Variants in CPEB4 observed in about 807,000 individuals in gnomAD.
CPEB4 encodes the protein cytoplasmic polyadenylation element binding protein 4, also known as cytoplasmic polyadenylation element-binding protein 4.
In CPEB4, 12 loss-of-function variants were observed where a neutral mutation model predicts 72.5. The observed-to-expected ratio is 0.17, with a 90% CI of 0.11 to 0.27. The LOEUF is 0.27. CPEB4 is among the 10% of genes least tolerant of loss of function. CPEB4 has a pLI of 1.00. For synonymous variants in CPEB4, 302 were observed against 326.3 expected (o/e 0.93, Z 0.80); for missense variants, 614 against 908.5 (o/e 0.68, Z 4.17).
At chr5:173,941,417 GCTAT>G (rs539119687) in intron 3 of CPEB4, among the ~76,000 whole-genome samples, 25 of 152,294 alleles carry the variant, frequency 1.6e-4, no homozygotes, top group African/African-American at 5.8e-4. Flanking sequence ...GAAATCCAGG[GCTAT>G]CTAAGTGTGG....
chr5:173,901,751 A>G (rs1309926823), intron 1 of CPEB4, among the ~76,000 whole-genome samples: 6 of 152,234 alleles, frequency 3.9e-5, no homozygotes, highest in South Asian at 2.1e-4. Flanking sequence ...AGGAACTAAT[A>G]TATGTAAATG....
chr5:173,902,470 T>A (rs1756270203), intron 1 of CPEB4, among the ~76,000 whole-genome samples: 2 of 152,130 alleles, frequency 1.3e-5, no homozygotes, highest in Admixed American at 6.5e-5. Context: ...AGCTCAAGTA[T>A]AAAAAGAAGC....
chr5:173,953,726 C>CTTTTTT (rs56660397), intron 9 of CPEB4, among the ~76,000 whole-genome samples: 1 of 141,628 alleles, frequency 7.1e-6, no homozygotes. Context: ...TCACAGATTT[C>CTTTTTT]TTTTTTTTTT....
At chr5:173,942,377 A>G (rs888311077) in intron 3 of CPEB4, among the ~76,000 whole-genome samples, 4 of 152,240 alleles carry the variant, frequency 2.6e-5, no homozygotes, top group African/African-American at 9.6e-5. Flanking sequence ...TTTCCTGAGT[A>G]TTCCAGTGGA....
At chr5:173,909,531 ATT>A (rs5873397) in intron 1 of CPEB4, among the ~76,000 whole-genome samples, 169 of 150,220 alleles carry the variant, frequency 1.1e-3, no homozygotes, top group African/African-American at 3.0e-3. Flanking sequence ...AGTCTACGAA[ATT>A]TTTTTTTTTT....
intron 2 of CPEB4, among the ~76,000 whole-genome samples, chr5:173,917,292 G>A (rs953520882): frequency 6.6e-6 from 1 of 152,156 alleles, no homozygotes; most frequent in Non-Finnish European, 1.5e-5. Flanking sequence ...ATTTCTTACA[G>A]TATTTAACCT....
At position 173,958,492 on chromosome 5, in the gene CPEB4, T is replaced by C. The variant is rs1409535265; in HGVS notation, c.*2355T>C. The C allele has an allele frequency of 6.6e-6, 1 of 152,602 alleles. No homozygotes were observed. The highest frequency in any genetic ancestry group is 1.5e-5 in the Non-Finnish European group (1 of 68,004). 9.5% of individuals were successfully genotyped at this position (152,602 alleles called of 1,614,324 possible). On this transcript the variant is annotated 3_prime_UTR_variant, in exon 10 of 10. Coordinates refer to ENST00000265085, the MANE Select transcript of CPEB4 (RefSeq NM_030627.4). ...TTCTGCTTTTTATACATTTCAGTGC[T>C]CTGCATACATTTTAAATTATGAATG...
Position 173,944,976 on chromosome 5 carries a change from C to T in CPEB4, c.1292C>T (p.Ser431Leu), listed in dbSNP as rs1249648385. Residue 431 changes from serine (S) to leucine (L), a missense_variant, in exon 5 of 10, where the codon TCA (serine) becomes TTA (leucine). By Grantham distance (145) the Ser-to-Leu change is moderately radical. This residue lies in a region of CPEB4 where 458 missense variants were observed against 548.6 expected (regional missense o/e 0.83). Transcript: ENST00000265085. ...RTYGRRRGQS[S>L]LFPMEDGFLD... ...CTGCTTTCTATTCCAGGTCAGTCTT[C>T]ACTGTTTCCAATGGAAGATGGATTC... 6.2e-7 allele frequency: 1 copy of T among 1,611,992 alleles called. No individual in the cohort carries two copies. Among genetic ancestry groups the T allele is most frequent in the African/African-American group, 1.3e-5 (1 of 74,852 alleles).
Position 173,943,011 on chromosome 5 carries a change from T to C in CPEB4, c.1259-15T>C. Reference sequence around the variant, plus strand: ...TTGTTTTTTTGTTTTTGTTTTTTTCTCATTTGACATGCAGCAAGGACATAT... The same window carrying C: ...TTGTTTTTTTGTTTTTGTTTTTTTCCCATTTGACATGCAGCAAGGACATAT... On this transcript the variant is annotated splice_polypyrimidine_tract_variant and intron_variant, in intron 3 of 9. Transcript: ENST00000265085. 6.2e-7 allele frequency: 1 copy of C among 1,607,338 alleles called. No individual in the cohort carries two copies. Among genetic ancestry groups the C allele is most frequent in the Non-Finnish European group, 8.5e-7 (1 of 1,177,562 alleles).
rs182351660 is a variant in CPEB4 at position 173,900,998 on chromosome 5, A to G, written c.1126-9525A>G. Among the ~76,000 whole-genome samples the G allele has an allele frequency of 3.9e-5, 6 of 152,154 alleles. No homozygotes were observed. Among genetic ancestry groups the G allele is most frequent in the African/African-American group, 1.4e-4 (6 of 41,436 alleles). On this transcript the variant is annotated intron_variant, in intron 1 of 9. Coordinates refer to ENST00000265085, the MANE Select transcript of CPEB4 (RefSeq NM_030627.4). The surrounding 1 kb of genome is among the most constrained non-coding windows in gnomAD (Gnocchi z 4.4). Reference sequence around the variant, plus strand: ...AGTATCAAAGCTTGTGATAGATTTTAATTATTTCTCTCTGCTAGGCAAGAT... The same window carrying G: ...AGTATCAAAGCTTGTGATAGATTTTGATTATTTCTCTCTGCTAGGCAAGAT...
At chr5:173,906,665 C>A (rs1171022989) in intron 1 of CPEB4, among the ~76,000 whole-genome samples, 1 of 152,120 alleles carries the variant, frequency 6.6e-6, no homozygotes, top group African/African-American at 2.4e-5. Flanking sequence ...CTAATAGTAC[C>A]AATTGAACAA....
intron 4 of CPEB4, among the ~76,000 whole-genome samples, chr5:173,944,746 T>A (rs574930235): frequency 6.6e-6 from 1 of 152,328 alleles, no homozygotes; most frequent in Admixed American, 6.5e-5. Flanking sequence ...GTGGGATACT[T>A]GAGTCGCCTT....
intron 1 of CPEB4, chr5:173,893,299 G>T (rs1755882938): frequency 6.6e-6 from 1 of 151,908 alleles, no homozygotes; most frequent in Non-Finnish European, 1.5e-5. Context: ...ATTTTAAGTT[G>T]GTATAAGTAA....
rs1337781085 is a variant in CPEB4 at position 173,960,954 on chromosome 5, A to T, written c.*4817A>T. The T allele has an allele frequency of 6.6e-6, 1 of 152,252 alleles. No individual in the cohort carries two copies. The highest frequency in any genetic ancestry group is 1.5e-5 in the Non-Finnish European group (1 of 68,046). The allele number at this position is 152,252 out of a possible 1,614,324, so 9.4% of individuals were successfully genotyped here. ...TAAACTGCATTCTCAAACTTTTAAC[A>T]TAAGGATTTATTATAACAAAATATA... On this transcript the variant is annotated 3_prime_UTR_variant, in exon 10 of 10. Coordinates refer to ENST00000265085, the MANE Select transcript of CPEB4 (RefSeq NM_030627.4).
At chr5:173,931,202 TGTAGCTGTTGGATTGATGGGACCC>T (rs1757435759) in intron 2 of CPEB4, among the ~76,000 whole-genome samples, 1 of 152,188 alleles carries the variant, frequency 6.6e-6, no homozygotes, top group South Asian at 2.1e-4. Context: ...GTTGTTAATA[TGTAGCTGTTGGATTGATGGGACCC>T]CATGTTAGCT....
intron 3 of CPEB4, among the ~76,000 whole-genome samples, chr5:173,933,005 T>C (rs1261612007): frequency 1.3e-5 from 2 of 152,254 alleles, no homozygotes; most frequent in African/African-American, 2.4e-5. Flanking sequence ...TCTCCTTTCC[T>C]GTGCTAATGT....
chr5:173,954,754 T>C (rs1758324428), intron 9 of CPEB4, among the ~76,000 whole-genome samples: 1 of 152,128 alleles, frequency 6.6e-6, no homozygotes, highest in East Asian at 1.9e-4. Context: ...AGCTGTGGGA[T>C]TGGTCATTAG....
At chr5:173,951,216 T>C (rs1234001163) in intron 7 of CPEB4, among the ~76,000 whole-genome samples, 1 of 152,168 alleles carries the variant, frequency 6.6e-6, no homozygotes, top group Admixed American at 6.5e-5. Flanking sequence ...TAGCCTTTGG[T>C]GTGGGCATTT....
intron 2 of CPEB4, among the ~76,000 whole-genome samples, chr5:173,924,841 CT>C (rs1361209859): frequency 1.3e-5 from 2 of 152,220 alleles, no homozygotes; most frequent in East Asian, 3.8e-4. Flanking sequence ...CCTTTCTCTG[CT>C]CCAGGCTCTG....
Sources: allele counts gnomAD v4.1 joint callset (sites outside exome capture counted in the v4.1 genomes callset), GRCh38; gene constraint gnomAD v4.1.1; regional missense constraint gnomAD v4.1.1; non-coding constraint Gnocchi (gnomAD v3.1); transcripts MANE v1.5; gene names NCBI Gene and HGNC (gene_info 2026-07-23, HGNC 2026-07-21).